Variants in ARHGEF9 observed in about 807,000 individuals in gnomAD.
ARHGEF9 encodes rho guanine nucleotide exchange factor 9.
A neutral mutation model predicts 41.3 loss-of-function variants in ARHGEF9; 2 were observed. The observed-to-expected ratio is 0.05, with a 90% confidence interval of 0.02 to 0.15. The LOEUF (loss-of-function observed/expected upper bound fraction) is 0.15. Among genes scored for constraint, ARHGEF9 ranks in the 10% least tolerant of loss-of-function variants. ARHGEF9 has a pLI of 1.00. For synonymous variants in ARHGEF9, 160 were observed against 154.4 expected (o/e 1.04, Z -0.27); for missense variants, 225 against 424.7 (o/e 0.53, Z 4.13).
At position 63,697,321 on chromosome X, in the gene ARHGEF9, A is replaced by G. The variant is rs374402939; in HGVS notation, c.403-17T>C. 15 of 1,206,451 alleles carry G rather than the reference A, an allele frequency of 1.2e-5. No homozygotes were observed. The African/African-American group carries it at 2.1e-4, about 17-fold the overall frequency. ...CAGATAGCCCTGTAGACAAAGAAAAAGCCTAGGCTGAGGAAGTCCCTGACT... is the reference window on the plus strand; with the variant it reads ...CAGATAGCCCTGTAGACAAAGAAAAGGCCTAGGCTGAGGAAGTCCCTGACT... On this transcript the variant is annotated splice_polypyrimidine_tract_variant and intron_variant, in intron 3 of 9. Transcript: ENST00000671741.
chrX:63,776,829 C>T (rs2056300873), intron 1 of ARHGEF9, among the ~76,000 whole-genome samples: 1 of 111,919 alleles, frequency 8.9e-6, no homozygotes, highest in African/African-American at 3.3e-5. Flanking sequence ...CTTTTAAATG[C>T]TAGGTAGTTC....
intron 2 of ARHGEF9, among the ~76,000 whole-genome samples, chrX:63,716,732 G>T (rs782624978): frequency 4.5e-5 from 5 of 111,450 alleles, no homozygotes; most frequent in African/African-American, 1.3e-4. Flanking sequence ...CCCTCTGTCT[G>T]CTGCCTACTG....
chrX:63,682,261 T>C (rs1358191801), intron 4 of ARHGEF9, among the ~76,000 whole-genome samples: 1 of 111,500 alleles, frequency 9.0e-6, no homozygotes, highest in Non-Finnish European at 1.9e-5. Context: ...ACGCCTATAA[T>C]CCTAGCACTT....
chrX:63,782,467 G>A (rs1484156208), intron 1 of ARHGEF9, among the ~76,000 whole-genome samples: 1 of 112,114 alleles, frequency 8.9e-6, no homozygotes, highest in South Asian at 3.7e-4. Flanking sequence ...AAGAAGCCAA[G>A]AATAAATAAC....
chrX:63,765,397 TAAA>T (rs1215037737), intron 1 of ARHGEF9, among the ~76,000 whole-genome samples: 1 of 103,440 alleles, frequency 9.7e-6, no homozygotes, highest in Non-Finnish European at 2.0e-5. Context: ...TAAAAAAAAT[TAAA>T]AAAAAAAACC....
chrX:63,716,020 C>T (rs1317348773), intron 2 of ARHGEF9: 1 of 112,213 alleles, frequency 8.9e-6, no homozygotes, highest in Non-Finnish European at 1.9e-5. Context: ...AGGGTGGTGG[C>T]TCACACCTAT....
In ARHGEF9 at chrX:63,635,061, A is replaced by G. The variant is rs2047248992; in HGVS notation, c.*2967T>C. The G allele has an allele frequency of 3.3e-6, 1 of 302,509 alleles. No individual in the cohort carries two copies. The highest frequency in any genetic ancestry group is 2.8e-5 in the African/African-American group (1 of 35,458). The allele number at this position is 302,509 out of a possible 1,213,427, so 24.9% of individuals were successfully genotyped here. On this transcript the variant is annotated 3_prime_UTR_variant, in exon 10 of 10. Coordinates refer to ENST00000671741, the MANE Select transcript of ARHGEF9 (RefSeq NM_001353921.2). ...TTTGTTAAACATTTTTTAACACACA[A>G]CTTTGACACTTGTTTGACAGAGTCA...
At chrX:63,679,120 A>G (rs1351210864) in intron 4 of ARHGEF9, among the ~76,000 whole-genome samples, 1 of 112,206 alleles carries the variant, frequency 8.9e-6, no homozygotes. Flanking sequence ...AAGTTAAAAC[A>G]CTAATGGCTG....
chrX:63,738,880 T>C (rs73526847), intron 1 of ARHGEF9, among the ~76,000 whole-genome samples: 208 of 111,241 alleles, frequency 1.9e-3, no homozygotes, highest in African/African-American at 6.6e-3. Flanking sequence ...GGGCTCAGAA[T>C]AGCAAAAACA....
At chrX:63,779,170 G>A (rs782003732) in intron 1 of ARHGEF9, among the ~76,000 whole-genome samples, 8 of 111,630 alleles carry the variant, frequency 7.2e-5, no homozygotes, top group South Asian at 7.6e-4. Flanking sequence ...ACCTCTGCCC[G>A]TTACCCGGTT....
chrX:63,743,592 C>G (rs2055091906), intron 1 of ARHGEF9: 1 of 112,444 alleles, frequency 8.9e-6, no homozygotes, highest in Non-Finnish European at 1.9e-5. Flanking sequence ...TTGTTCTACA[C>G]AGCTCATTGG....
At chrX:63,703,314 C>A (rs1427871942) in intron 3 of ARHGEF9, 4 of 112,187 alleles carry the variant, frequency 3.6e-5, no homozygotes, top group Non-Finnish European at 5.6e-5. Flanking sequence ...CCATTGCTGT[C>A]CTGAGTCTGT....
chrX:63,711,578 G>T (rs1179967514), intron 2 of ARHGEF9, among the ~76,000 whole-genome samples: 2 of 112,015 alleles, frequency 1.8e-5, no homozygotes, highest in Non-Finnish European at 3.8e-5. Context: ...TCAACAAATG[G>T]TGCTGGTACA....
In ARHGEF9 at chrX:63,636,438, G is replaced by T. The variant is rs192542426; in HGVS notation, c.*1590C>A. The T allele has an allele frequency of 8.7e-6, 1 of 114,984 alleles. No individual in the cohort carries two copies. Among genetic ancestry groups the T allele is most frequent in the Admixed American group, 9.5e-5 (1 of 10,569 alleles). 9.5% of individuals were successfully genotyped at this position (114,984 alleles called of 1,213,427 possible). On this transcript the variant is annotated 3_prime_UTR_variant, in exon 10 of 10. Coordinates refer to ENST00000671741, the MANE Select transcript of ARHGEF9 (RefSeq NM_001353921.2). ...GAAGTTAGATTTTCCCAAGCAAAAAGCTGGCCAAAAGCGAGCCTGAGGGTA... is the reference window on the plus strand; with the variant it reads ...GAAGTTAGATTTTCCCAAGCAAAAATCTGGCCAAAAGCGAGCCTGAGGGTA...
At chrX:63,730,232 C>T (rs1442561707) in intron 1 of ARHGEF9, among the ~76,000 whole-genome samples, 2 of 112,335 alleles carry the variant, frequency 1.8e-5, no homozygotes, top group Non-Finnish European at 3.8e-5. Context: ...TTGTAGAAAA[C>T]ATATGCTGCA....
chrX:63,726,872 A>G (rs1460872575), intron 1 of ARHGEF9, among the ~76,000 whole-genome samples: 6 of 111,991 alleles, frequency 5.4e-5, no homozygotes, highest in African/African-American at 1.9e-4. Flanking sequence ...GTACACAGCC[A>G]CCTTTAATCA....
chrX:63,690,794 G>C (rs1392973589), intron 4 of ARHGEF9, among the ~76,000 whole-genome samples: 1 of 111,868 alleles, frequency 8.9e-6, no homozygotes, highest in Non-Finnish European at 1.9e-5. Context: ...CGATGATCAA[G>C]TGGGTCTCAT....
At chrX:63,673,074 A>T (rs2050058087) in intron 6 of ARHGEF9, among the ~76,000 whole-genome samples, 1 of 112,108 alleles carries the variant, frequency 8.9e-6, no homozygotes, top group African/African-American at 3.2e-5. Context: ...AGCAATCTAC[A>T]TTAAGGTAGG....
chrX:63,722,773 G>A (rs1331325229), intron 2 of ARHGEF9: 1 of 111,832 alleles, frequency 8.9e-6, no homozygotes, highest in Non-Finnish European at 1.9e-5. Flanking sequence ...AGCTGTATGC[G>A]TACAGGGCCT....
Sources: gnomAD v4.1 joint callset for allele counts (sites outside exome capture counted in the v4.1 genomes callset) on GRCh38, gnomAD v4.1.1 for gene constraint, MANE v1.5 for transcripts, NCBI Gene and HGNC (gene_info 2026-07-23, HGNC 2026-07-21) for gene names.